Variants in RFLNA observed in about 807,000 individuals in gnomAD.
RFLNA encodes the protein refilin A, also known as refilin-A.
A neutral mutation model predicts 7.8 loss-of-function variants in RFLNA; 5 were observed. The observed-to-expected ratio is 0.64, with a 90% CI of 0.34 to 1.35. The LOEUF is 1.35. Among genes scored for constraint, RFLNA ranks in the 40% most tolerant of loss-of-function variants. The pLI is 0.04. For synonymous variants in RFLNA, 141 were observed against 131.3 expected (o/e 1.07, Z -0.50); for missense variants, 278 against 305.5 (o/e 0.91, Z 0.67).
chr12:124,291,777 C>A (rs767598491), upstream of RFLNA, among the ~76,000 whole-genome samples: 1 of 152,106 alleles, frequency 6.6e-6, no homozygotes, highest in Non-Finnish European at 1.5e-5. Context: ...GAGCTTCCCC[C>A]ACACAAAGCA....
In RFLNA at chr12:124,297,930, G is replaced by T. The variant is rs553684278; in HGVS notation, c.207+2294G>T. ...CCTGCTCACTGACGACTCAGGGAGA[G>T]TGCTTTTTAGGTGCAAATATCGGCA... On this transcript the variant is annotated intron_variant, in intron 1 of 2. Transcript: ENST00000546355. Among the ~76,000 whole-genome samples, 10 of 152,286 alleles carry T rather than the reference G, an allele frequency of 6.6e-5. No homozygotes were observed. The East Asian group carries it at 1.5e-3, about 24-fold the overall frequency.
At chr12:124,308,233 C>T (rs561382804) in intron 1 of RFLNA, among the ~76,000 whole-genome samples, 6 of 152,320 alleles carry the variant, frequency 3.9e-5, no homozygotes, top group South Asian at 2.1e-4. Flanking sequence ...CCACCCACCT[C>T]GGCCTCCCAA....
rs896844866 is a variant in RFLNA, at chr12:124,289,929, A to G, written c.-37+559A>G. Among the ~76,000 whole-genome samples the G allele has an allele frequency of 2.0e-5, 3 of 152,066 alleles. No homozygotes were observed. The highest frequency in any genetic ancestry group is 7.2e-5 in the African/African-American group (3 of 41,398). On this transcript the variant is annotated intron_variant, in intron 1 of 2. Transcript: ENST00000324038. This position sits in a 1 kb window ranked among gnomAD's most constrained non-coding sequence, Gnocchi z 5.0. ...CGGTTGTACAGTCACCGGGACCTTCACTCTGAAACATTTGACCACATGCCC... is the reference window on the plus strand; with the variant it reads ...CGGTTGTACAGTCACCGGGACCTTCGCTCTGAAACATTTGACCACATGCCC...
intron 1 of RFLNA, among the ~76,000 whole-genome samples, chr12:124,295,918 C>A (rs1413822590): frequency 6.6e-6 from 1 of 151,214 alleles, no homozygotes; most frequent in Non-Finnish European, 1.5e-5. Flanking sequence ...GCTCATGGGG[C>A]GGGGTAAAGG....
At chr12:124,295,677 G>T (rs962589341) in intron 1 of RFLNA, 41 bp downstream of exon 1, 23 of 1,233,244 alleles carry the variant, frequency 1.9e-5, no homozygotes, top group Non-Finnish European at 2.2e-5. Context: ...GACCGCGTGG[G>T]CGGGTGGGTG....
intron 1 of RFLNA, among the ~76,000 whole-genome samples, chr12:124,300,981 TGGA>T (rs1488931974): frequency 2.0e-5 from 3 of 151,920 alleles, no homozygotes. Flanking sequence ...GATGGATGGA[TGGA>T]GGATGAATGG....
At chr12:124,294,564 C>G (rs1434896115), upstream of RFLNA, among the ~76,000 whole-genome samples, 1 of 151,334 alleles carries the variant, frequency 6.6e-6, no homozygotes, top group Non-Finnish European at 1.5e-5. Context: ...CAGCCAGATG[C>G]CGGGGGATTC....
At chr12:124,313,999 C>CTCTT (rs1258476209) in intron 2 of RFLNA, among the ~76,000 whole-genome samples, 193 bp from the exon 3 acceptor site, 1 of 152,172 alleles carries the variant, frequency 6.6e-6, no homozygotes, top group Non-Finnish European at 1.5e-5. Flanking sequence ...GCTGTCTCGC[C>CTCTT]TCTTTAGTCT....
chr12:124,305,982 C>T (rs969901352), intron 1 of RFLNA, among the ~76,000 whole-genome samples: 1 of 152,190 alleles, frequency 6.6e-6, no homozygotes, highest in Admixed American at 6.5e-5. Context: ...GATCCTCTCC[C>T]TGTGGTCCTC....
chr12:124,314,336 C>T lies in RFLNA; in HGVS notation c.462C>T (p.Thr154=). 1 of 1,613,484 alleles carries T rather than the reference C, an allele frequency of 6.2e-7. No homozygotes were observed. The highest frequency in any genetic ancestry group is 8.5e-7 in the Non-Finnish European group (1 of 1,179,998). The change falls in exon 3 of 3, where the codon ACC becomes ACT. Residue 154 remains threonine, a synonymous_variant. Coordinates refer to ENST00000546355, the MANE Select transcript of RFLNA (RefSeq NM_001365156.1). ...GGCGCAACTACCGCAGCCAGCTGAC[C>T]CTGGAGCCACGCCCGCGCGCCCTGC... The part of the protein sequence containing the change: ...CTWRNYRSQL[T]LEPRPRALRF...
At chr12:124,295,726 G>C (rs1438095082) in intron 1 of RFLNA, 90 bp downstream of exon 1, 2 of 1,181,502 alleles carry the variant, frequency 1.7e-6, no homozygotes, top group Non-Finnish European at 2.1e-6. Context: ...GCAGCAGCAG[G>C]ACGTGCCTCC....
chr12:124,297,952 G>A (rs553261904), intron 1 of RFLNA, among the ~76,000 whole-genome samples: 47 of 152,186 alleles, frequency 3.1e-4, no homozygotes, highest in African/African-American at 1.1e-3. Flanking sequence ...TGCAAATATC[G>A]GCACCCCATA....
chr12:124,314,825 A>C lies in RFLNA; in HGVS notation c.*300A>C. On this transcript the variant is annotated 3_prime_UTR_variant, in exon 3 of 3. Coordinates refer to ENST00000546355, the MANE Select transcript of RFLNA (RefSeq NM_001365156.1). Reference sequence around the variant, plus strand: ...TGGTGGCCACCCCCAGGGTCAGGGGAAAAGAATGGGTCCATGGAGTGCCCT... The same window carrying C: ...TGGTGGCCACCCCCAGGGTCAGGGGCAAAGAATGGGTCCATGGAGTGCCCT... 1.7e-6 allele frequency: 1 copy of C among 600,404 alleles called. No individual in the cohort carries two copies. Among genetic ancestry groups the C allele is most frequent in the Non-Finnish European group, 3.1e-6 (1 of 320,140 alleles). The allele number at this position is 600,404 out of a possible 1,614,324, so 37.2% of individuals were successfully genotyped here.
At chr12:124,305,708 T>A (rs2034125899) in intron 1 of RFLNA, among the ~76,000 whole-genome samples, 1 of 152,198 alleles carries the variant, frequency 6.6e-6, no homozygotes, top group African/African-American at 2.4e-5. Flanking sequence ...TGTGATGACA[T>A]CAGGCCCACC....
chr12:124,309,047 G>A (rs749118431), intron 1 of RFLNA, among the ~76,000 whole-genome samples: 6 of 152,216 alleles, frequency 3.9e-5, no homozygotes, highest in Admixed American at 6.5e-5. Flanking sequence ...TGTATTAGAA[G>A]CCCTAGAACA....
intron 1 of RFLNA, among the ~76,000 whole-genome samples, chr12:124,301,450 C>T (rs2034036811): frequency 6.6e-6 from 1 of 152,216 alleles, no homozygotes; most frequent in Admixed American, 6.5e-5. Flanking sequence ...CCGGAGACAG[C>T]TTTCCTGGGG....
intron 2 of RFLNA, among the ~76,000 whole-genome samples, chr12:124,312,881 C>T (rs2034271800): frequency 6.6e-6 from 1 of 152,210 alleles, no homozygotes; most frequent in African/African-American, 2.4e-5. Flanking sequence ...TTGCCCTCCT[C>T]TGAAGCTGCT....
Position 124,315,877 on chromosome 12 carries a change from T to C in RFLNA, c.*1352T>C, listed in dbSNP as rs1405332482. 1.3e-5 allele frequency: 2 copies of C among 152,228 alleles called. No homozygotes were observed. Among genetic ancestry groups the C allele is most frequent in the Non-Finnish European group, 2.9e-5 (2 of 68,028 alleles). The allele number at this position is 152,228 out of a possible 1,614,324, so 9.4% of individuals were successfully genotyped here. A position where few individuals can be genotyped will look rare whatever the true frequency, so the allele number is the denominator to read the frequency against. On this transcript the variant is annotated 3_prime_UTR_variant, in exon 3 of 3. Coordinates refer to ENST00000546355, the MANE Select transcript of RFLNA (RefSeq NM_001365156.1). ...CTCTGTGGAGGTGAGGAGGGGAGAT[T>C]CCGTTCACATCCAGGAGGGGCAAAA...
At chr12:124,292,253 G>A (rs111354174), upstream of RFLNA, among the ~76,000 whole-genome samples, 61 of 152,190 alleles carry the variant, frequency 4.0e-4, no homozygotes, top group African/African-American at 1.4e-3. Context: ...AAGGGCCTCC[G>A]TAGACCTAGT....
Sources: gnomAD v4.1 joint callset for allele counts (sites outside exome capture counted in the v4.1 genomes callset) on GRCh38, gnomAD v4.1.1 for gene constraint, Gnocchi (gnomAD v3.1) non-coding constraint, MANE v1.5 for transcripts, NCBI Gene and HGNC (gene_info 2026-07-23, HGNC 2026-07-21) for gene names.